COX10: variants seen among roughly 807,000 people sequenced by gnomAD.
The protein encoded by COX10 is cytochrome c oxidase assembly factor heme A:farnesyltransferase COX10.
COX10 carries 27 observed loss-of-function variants against 37.3 expected under a neutral mutation model. That is an observed-to-expected ratio of 0.72 (90% CI 0.53 to 1.00). The LOEUF (loss-of-function observed/expected upper bound fraction) is 1.00. COX10 is among the 50% of genes least tolerant of loss of function. The probability of loss-of-function intolerance (pLI) is 0.00; values close to 1 mark genes in which losing one functional copy is unlikely to be tolerated. For missense variants in COX10, 475 were observed against 563.2 expected (o/e 0.84, Z 1.59); for synonymous variants, 222 against 229.1 (o/e 0.97, Z 0.28).
intron 4 of COX10, among the ~76,000 whole-genome samples, chr17:14,141,044 T>C: frequency 6.6e-6 from 1 of 151,606 alleles, no homozygotes; most frequent in South Asian, 2.1e-4. Flanking sequence ...CGTCTAGGAT[T>C]TTTTTTTTGC....
chr17:14,106,930 G>A (rs1915904752), intron 4 of COX10, among the ~76,000 whole-genome samples: 1 of 152,168 alleles, frequency 6.6e-6, no homozygotes, highest in Non-Finnish European at 1.5e-5. Flanking sequence ...CAGTGCAGAT[G>A]TTTCATGTTT....
At position 14,089,411 on chromosome 17, in the gene COX10, C is replaced by A. The variant is rs568612641; in HGVS notation, c.499+12355C>A. On this transcript the variant is annotated intron_variant, in intron 3 of 6. Transcript: ENST00000261643. ...TCCCTGTCATCTTGATAATCAAATACACATTTGGAGACTCCTGGTTTGGGT... is the reference window on the plus strand; with the variant it reads ...TCCCTGTCATCTTGATAATCAAATAAACATTTGGAGACTCCTGGTTTGGGT... 2.6e-5 allele frequency among the ~76,000 whole-genome samples: 4 copies of A among 152,302 alleles called. No homozygotes were observed. In the South Asian group the frequency reaches 8.3e-4, roughly 32 times the overall value.
intron 5 of COX10, among the ~76,000 whole-genome samples, chr17:14,167,987 A>G (rs1905339825): frequency 6.6e-6 from 1 of 152,190 alleles, no homozygotes; most frequent in Admixed American, 6.5e-5. Flanking sequence ...CATTAACTCA[A>G]AAGTCCAAGT....
intron 1 of COX10, among the ~76,000 whole-genome samples, 155 bp from the exon 2 acceptor site, chr17:14,074,168 T>A (rs1915091663): frequency 6.6e-6 from 1 of 152,228 alleles, no homozygotes; most frequent in African/African-American, 2.4e-5. Context: ...ATTGCATTTA[T>A]TCACAAATCT....
chr17:14,206,234 A>T (rs1324914912), intron 6 of COX10, among the ~76,000 whole-genome samples: 1 of 152,080 alleles, frequency 6.6e-6, no homozygotes, highest in African/African-American at 2.4e-5. Flanking sequence ...CTGCCCTGGA[A>T]AGGGAGCCAG....
At chr17:14,145,689 G>A (rs1285708368) in intron 4 of COX10, among the ~76,000 whole-genome samples, 2 of 152,116 alleles carry the variant, frequency 1.3e-5, no homozygotes, top group Non-Finnish European at 1.5e-5. Flanking sequence ...TTTTATGCTA[G>A]AAAGTAACAT....
chr17:14,205,332 C>T (rs80205537), intron 6 of COX10, among the ~76,000 whole-genome samples: 1,730 of 152,218 alleles, frequency 0.011, 37 homozygotes, highest in African/African-American at 0.04. Context: ...TCAGCTGAGA[C>T]ATCCCTTCCT....
At chr17:14,172,345 C>G (rs1275778691) in intron 5 of COX10, among the ~76,000 whole-genome samples, 1 of 151,980 alleles carries the variant, frequency 6.6e-6, no homozygotes, top group Non-Finnish European at 1.5e-5. Flanking sequence ...TACTATTTTC[C>G]ATAGAGGCTA....
intron 3 of COX10, among the ~76,000 whole-genome samples, chr17:14,085,686 A>G (rs191362182): frequency 3.9e-5 from 6 of 152,266 alleles, no homozygotes; most frequent in Admixed American, 3.9e-4. Flanking sequence ...ACATAGTACT[A>G]TAATAAATAA....
At chr17:14,091,665 G>T (rs561642431) in intron 3 of COX10, among the ~76,000 whole-genome samples, 1 of 152,068 alleles carries the variant, frequency 6.6e-6, no homozygotes, top group Non-Finnish European at 1.5e-5. Flanking sequence ...CAGTATTTTC[G>T]AGATTTAAAT....
intron 4 of COX10, among the ~76,000 whole-genome samples, chr17:14,138,150 G>A (rs1436439131): frequency 6.6e-6 from 1 of 152,012 alleles, no homozygotes; most frequent in Non-Finnish European, 1.5e-5. Context: ...TGTAGCTCTT[G>A]ATCAGTTCTT....
At chr17:14,090,317 TTAAGA>T (rs1184744716) in intron 3 of COX10, among the ~76,000 whole-genome samples, 2 of 152,204 alleles carry the variant, frequency 1.3e-5, no homozygotes, top group South Asian at 2.1e-4. Context: ...AATGAAACAC[TTAAGA>T]TAAATGAATT....
At chr17:14,110,831 C>T (rs988075463) in intron 4 of COX10, among the ~76,000 whole-genome samples, 4 of 151,792 alleles carry the variant, frequency 2.6e-5, no homozygotes, top group Non-Finnish European at 5.9e-5. Flanking sequence ...GTTTCTTTGT[C>T]TCATACTCTC....
chr17:14,156,234 A>ATTTT (rs765831668), intron 4 of COX10, among the ~76,000 whole-genome samples: 5 of 151,168 alleles, frequency 3.3e-5, no homozygotes, highest in African/African-American at 1.2e-4. Context: ...GTAAATCTGA[A>ATTTT]TTTTTTTTTT....
At chr17:14,198,649 A>T (rs1567613319) in intron 6 of COX10, among the ~76,000 whole-genome samples, 2 of 152,202 alleles carry the variant, frequency 1.3e-5, no homozygotes, top group Admixed American at 6.5e-5. Context: ...CAAAAAGAGA[A>T]TGAGATTTTT....
intron 4 of COX10, among the ~76,000 whole-genome samples, chr17:14,140,079 A>G (rs1904491837): frequency 6.6e-6 from 1 of 152,192 alleles, no homozygotes. Context: ...TGTGTTTTGG[A>G]AAGCATGAAA....
intron 6 of COX10, among the ~76,000 whole-genome samples, chr17:14,200,817 A>G (rs1318596473): frequency 6.6e-6 from 1 of 152,246 alleles, no homozygotes. Context: ...ATACAGTTAA[A>G]AGAAGTCGAA....
At chr17:14,130,191 A>ATC (rs1916433089) in intron 4 of COX10, among the ~76,000 whole-genome samples, 1 of 152,168 alleles carries the variant, frequency 6.6e-6, no homozygotes, top group Non-Finnish European at 1.5e-5. Context: ...CTCCCTCAGA[A>ATC]TAATTCCTCC....
chr17:14,185,297 T>C (rs1905993042), intron 5 of COX10, among the ~76,000 whole-genome samples: 1 of 145,726 alleles, frequency 6.9e-6, no homozygotes, highest in East Asian at 2.1e-4. Flanking sequence ...TTTGTTTTTT[T>C]AATCAAAGGC....
Sources: gnomAD v4.1 joint callset for allele counts (sites outside exome capture counted in the v4.1 genomes callset) on GRCh38, gnomAD v4.1.1 for gene constraint, MANE v1.5 for transcripts, NCBI Gene and HGNC (gene_info 2026-07-23, HGNC 2026-07-21) for gene names.